The following SLC46A3 variants were observed in gnomAD, a reference collection of about 807,000 sequenced individuals.
The protein encoded by SLC46A3 is lysosomal proton-coupled steroid conjugate and bile acid symporter SLC46A3.
In SLC46A3, 26 loss-of-function variants were observed where a neutral mutation model predicts 38.5. The ratio of observed to expected loss-of-function variants is 0.68; its 90% CI spans 0.49 to 0.94. The LOEUF (loss-of-function observed/expected upper bound fraction) is 0.94. SLC46A3 is among the 40% of genes least tolerant of loss of function. The pLI is 0.00. For synonymous variants in SLC46A3, 185 were observed against 192.5 expected, an observed-to-expected ratio of 0.96 and a Z score of 0.32; for missense variants, 510 against 544.3, an observed-to-expected ratio of 0.94 and a Z score of 0.63.
intron 3 of SLC46A3, among the ~76,000 whole-genome samples, chr13:28,711,545 ACT>A (rs1442359400): frequency 6.6e-6 from 1 of 151,622 alleles, no homozygotes; most frequent in Non-Finnish European, 1.5e-5. Flanking sequence ...CAGACTTGGC[ACT>A]CTTAGTGTTA....
chr13:28,704,980 T>C (rs886085096), intron 4 of SLC46A3, among the ~76,000 whole-genome samples: 2 of 152,208 alleles, frequency 1.3e-5, no homozygotes, highest in African/African-American at 4.8e-5. Flanking sequence ...ATTCTACCTA[T>C]GTTTAGTTTT....
In SLC46A3 at chr13:28,712,698, T is replaced by C. The variant is rs1479238641; in HGVS notation, c.1042A>G (p.Thr348Ala). Residue 348 changes from threonine to alanine, a missense_variant, in exon 3 of 6, where the codon ACA becomes GCA. Coordinates refer to ENST00000266943, the MANE Select transcript of SLC46A3 (RefSeq NM_181785.4). ...AACTCACCTAAAAACATCATCAGTG[T>C]TGTACTGGCAAACGCGGTCATAGCC... ...GMAMTAFAST[T>A]LMMFLARVPF... 35 of 1,597,278 alleles carry C rather than the reference T, an allele frequency of 2.2e-5. No individual in the cohort carries two copies. Among genetic ancestry groups the C allele is most frequent in the Non-Finnish European group, 3.0e-5 (35 of 1,175,290 alleles).
intron 2 of SLC46A3, among the ~76,000 whole-genome samples, chr13:28,715,682 T>C (rs1885509338): frequency 6.6e-6 from 1 of 152,128 alleles, no homozygotes; most frequent in African/African-American, 2.4e-5. Flanking sequence ...GTTATATAGT[T>C]TCAAATAGCA....
chr13:28,717,819 T>C lies in SLC46A3; in HGVS notation c.180A>G (p.Ala60=), dbSNP rs1049413306. 5.9e-5 allele frequency: 95 copies of C among 1,613,172 alleles called. No individual in the cohort carries two copies. Among genetic ancestry groups the C allele is most frequent in the Non-Finnish European group, 7.4e-5 (87 of 1,179,792 alleles). Residue 60 remains alanine (A), a synonymous_variant, in exon 2 of 6, where the codon GCA becomes GCG. Coordinates refer to ENST00000266943, the MANE Select transcript of SLC46A3 (RefSeq NM_181785.4). Reference sequence around the variant, plus strand: ...TATTGTAATTTCTTACCTCCTGGAATGCAAAAATTGGGCTGCTTTTGTTTT... The same window carrying C: ...TATTGTAATTTCTTACCTCCTGGAACGCAAAAATTGGGCTGCTTTTGTTTT... The part of the protein sequence containing the change: ...CEKNKSSPIF[A]FQEEVQKKVS...
Position 28,710,819 on chromosome 13 carries a change from AT to A in SLC46A3, c.1084del (p.Ile362LeufsTer30), listed in dbSNP as rs769483680. 3.7e-6 allele frequency: 6 copies of A among 1,614,108 alleles called. No homozygotes were observed. In the Admixed American group the frequency reaches 1.0e-4, roughly 27 times the overall value. On this transcript the variant is annotated frameshift_variant, in exon 4 of 6. Coordinates refer to ENST00000266943, the MANE Select transcript of SLC46A3 (RefSeq NM_181785.4). LOFTEE classifies it high-confidence loss of function. ...GGACCGTAGAACAGAGAATGGCACA[AT>A]AGTGAAAAGGAACGGCACCCTGGCT... ...FLARVPFLFT[I>X]VPFSVLRSML... is the part of the protein sequence containing the mutation.
chr13:28,711,926 A>T (rs1319224509), intron 3 of SLC46A3, among the ~76,000 whole-genome samples: 1 of 152,192 alleles, frequency 6.6e-6, no homozygotes, highest in Non-Finnish European at 1.5e-5. Flanking sequence ...CAGATGAGAA[A>T]ATGAGGGCTG....
chr13:28,712,251 T>C (rs538618915), intron 3 of SLC46A3, among the ~76,000 whole-genome samples: 1 of 152,362 alleles, frequency 6.6e-6, no homozygotes, highest in East Asian at 1.9e-4. Context: ...TTGCAAAACC[T>C]GTCTTTAAAA....
At chr13:28,701,924 G>A (rs564687317) in intron 5 of SLC46A3, among the ~76,000 whole-genome samples, 1 of 152,194 alleles carries the variant, frequency 6.6e-6, no homozygotes, top group South Asian at 2.1e-4. Context: ...TTGGAGGTAA[G>A]ACAGTATGTA....
At chr13:28,706,216 C>G (rs1021491225) in intron 4 of SLC46A3, among the ~76,000 whole-genome samples, 1 of 152,052 alleles carries the variant, frequency 6.6e-6, no homozygotes, top group African/African-American at 2.4e-5. Context: ...TGGTGCAGAG[C>G]GCAGAGATTG....
At chr13:28,718,057 C>T (rs980086380) in intron 1 of SLC46A3, 35 bp from the exon 2 acceptor site, 3 of 1,543,410 alleles carry the variant, frequency 1.9e-6, no homozygotes, top group African/African-American at 1.4e-5. Context: ...GATCATCTGT[C>T]TCATCCCAGA....
chr13:28,701,065 A>G lies in SLC46A3; in HGVS notation c.*432T>C, dbSNP rs1885002374. The G allele has an allele frequency of 4.7e-6, 7 of 1,491,884 alleles. No homozygotes were observed. The South Asian group carries it at 5.5e-5, about 12-fold the overall frequency. The allele number at this position is 1,491,884 out of a possible 1,614,324, so 92.4% of individuals were successfully genotyped here. On this transcript the variant is annotated 3_prime_UTR_variant, in exon 6 of 6. Coordinates refer to ENST00000266943, the MANE Select transcript of SLC46A3 (RefSeq NM_181785.4). The stretch of plus-strand genomic sequence containing the variant: ...CATCATAATTTTCATTATGCCTTCA[A>G]AATTATCCCTGAGAGAGGCCAGAAA...
At chr13:28,717,509 T>TTTTTTTTTTTTTTTTTTG (rs1266330499) in intron 2 of SLC46A3, among the ~76,000 whole-genome samples, 1 of 112,102 alleles carries the variant, frequency 8.9e-6, no homozygotes, top group Admixed American at 1.0e-4. Context: ...TTTTTTTTTT[T>TTTTTTTTTTTTTTTTTTG]TAGGACAAAG....
In SLC46A3 at chr13:28,700,178, C is replaced by T. The variant is rs966561960; in HGVS notation, c.*1319G>A. On this transcript the variant is annotated 3_prime_UTR_variant, in exon 6 of 6. Transcript: ENST00000266943. ...TCAGGTAGCAGAAACAATTACAAGT[C>T]GATGGAAAATGCTGGGATCGAAGTG... 45 of 152,202 alleles carry T rather than the reference C, an allele frequency of 3.0e-4. No homozygotes were observed. Among genetic ancestry groups the T allele is most frequent in the African/African-American group, 1.1e-3 (45 of 41,536 alleles). 9.4% of individuals were successfully genotyped at this position (152,202 alleles called of 1,614,324 possible).
intron 4 of SLC46A3, among the ~76,000 whole-genome samples, chr13:28,706,248 A>C (rs1885171750): frequency 6.6e-6 from 1 of 152,198 alleles, no homozygotes; most frequent in Non-Finnish European, 1.5e-5. Flanking sequence ...CCAGAATTCC[A>C]CTTTCTTACC....
chr13:28,717,485 CTT>C (rs56878379), intron 2 of SLC46A3, among the ~76,000 whole-genome samples: 4 of 126,914 alleles, frequency 3.2e-5, no homozygotes, highest in African/African-American at 1.2e-4. Context: ...AATTTTCAGA[CTT>C]TTTTTTTTTT....
rs754594944 is a variant in SLC46A3, at chr13:28,713,519, A to G, written c.221T>C (p.Leu74Pro). 1.9e-6 allele frequency: 3 copies of G among 1,606,430 alleles called. No homozygotes were observed. The highest frequency in any genetic ancestry group is 2.6e-6 in the Non-Finnish European group (3 of 1,174,330). Residue 74 changes from leucine to proline, a missense_variant, in exon 3 of 6, where the codon CTG becomes CCG. By Grantham distance (98) the Leu-to-Pro change is moderately conservative (BLOSUM62 -3). Transcript: ENST00000266943. ...EVQKKVSRFN[L>P]QMDISGLIPG... The stretch of plus-strand genomic sequence containing the variant: ...AATTAATCCACTTATGTCCATCTGC[A>G]GATTAAAACGTGACACTTTTTTCTG...
intron 3 of SLC46A3, among the ~76,000 whole-genome samples, chr13:28,712,027 T>G (rs748184083): frequency 6.6e-6 from 1 of 152,174 alleles, no homozygotes; most frequent in African/African-American, 2.4e-5. Context: ...CCCTGCAAGA[T>G]AGTAAGGGGT....
At chr13:28,709,406 AACTGGTAAAAAT>A (rs1299554934) in intron 4 of SLC46A3, among the ~76,000 whole-genome samples, 1 of 152,212 alleles carries the variant, frequency 6.6e-6, no homozygotes, top group Non-Finnish European at 1.5e-5. Flanking sequence ...GTATTGACTA[AACTGGTAAAAAT>A]ACAACAGCAT....
At position 28,704,099 on chromosome 13, in the gene SLC46A3, C is replaced by A. The variant is rs1385775355; in HGVS notation, c.1145G>T (p.Gly382Val). The change falls in exon 5 of 6, where the codon GGT becomes GTT. Residue 382 changes from glycine (G) to valine (V), a missense_variant and splice_region_variant. By Grantham distance (109) the Gly-to-Val change is moderately radical (BLOSUM62 -3). Coordinates refer to ENST00000266943, the MANE Select transcript of SLC46A3 (RefSeq NM_181785.4). ...GAAAGCAATACAAGCAAACAGGGTA[C>A]CTGTTTGGAGTAGGGATAGAGAGAG... Reference protein sequence around the residue: ...LSKVVRSTEQGTLFACIAFLE... With the variant: ...LSKVVRSTEQVTLFACIAFLE... 1.2e-6 allele frequency: 2 copies of A among 1,610,078 alleles called. No homozygotes were observed. Among genetic ancestry groups the A allele is most frequent in the Admixed American group, 1.7e-5 (1 of 59,308 alleles).
Sources: gnomAD v4.1 joint callset for allele counts (sites outside exome capture counted in the v4.1 genomes callset) on GRCh38, gnomAD v4.1.1 for gene constraint, MANE v1.5 for transcripts, NCBI Gene and HGNC (gene_info 2026-07-23, HGNC 2026-07-21) for gene names.